Variants in ADAMTSL1 observed in about 807,000 individuals in gnomAD.
The protein encoded by ADAMTSL1 is ADAMTS like 1, also known as ADAMTS-like protein 1.
ADAMTSL1 carries 126 observed loss-of-function variants against 201.8 expected under a neutral mutation model. The ratio of observed to expected loss-of-function variants is 0.62; its 90% CI spans 0.54 to 0.72. ADAMTSL1 has a LOEUF of 0.72. Among genes scored for constraint, ADAMTSL1 ranks in the 30% least tolerant of loss-of-function variants. The pLI, the probability that ADAMTSL1 is intolerant of heterozygous loss-of-function variation, is 0.00. For missense variants in ADAMTSL1, 2,679 were observed against 2,277.8 expected, an observed-to-expected ratio of 1.18 and a Z score of -3.59; for synonymous variants, 1,121 against 903.4, an observed-to-expected ratio of 1.24 and a Z score of -4.32.
chr9:18,696,070 A>G (rs570779777), intron 13 of ADAMTSL1, among the ~76,000 whole-genome samples: 16 of 152,310 alleles, frequency 1.1e-4, no homozygotes, highest in African/African-American at 3.8e-4. Flanking sequence ...AGAGCTCACT[A>G]TCACAAGAAC....
chr9:17,952,746 C>T (rs1015012466), intron 1 of ADAMTSL1, among the ~76,000 whole-genome samples: 42 of 152,048 alleles, frequency 2.8e-4, no homozygotes, highest in African/African-American at 7.7e-4. Flanking sequence ...AGGCTGGTCT[C>T]GAACTCCTGG....
At chr9:17,960,140 C>T (rs73643110) in intron 1 of ADAMTSL1, among the ~76,000 whole-genome samples, 6,103 of 152,226 alleles carry the variant, frequency 0.04, 366 homozygotes, top group African/African-American at 0.13. Flanking sequence ...CACACGGTTC[C>T]ATGTTTGGTC....
At chr9:18,094,052 G>C (rs755386668) in intron 1 of ADAMTSL1, among the ~76,000 whole-genome samples, 12 of 152,164 alleles carry the variant, frequency 7.9e-5, no homozygotes, top group Non-Finnish European at 1.5e-4. Flanking sequence ...ACACTGATGA[G>C]AGACCAGTTT....
chr9:18,856,554 C>T (rs1050631354), intron 23 of ADAMTSL1, among the ~76,000 whole-genome samples: 2 of 148,022 alleles, frequency 1.4e-5, no homozygotes, highest in South Asian at 4.4e-4. Context: ...ACCTCCATCT[C>T]CCAGGTTCAA....
chr9:18,446,269 C>T (rs1587240127), intron 2 of ADAMTSL1, among the ~76,000 whole-genome samples: 1 of 152,126 alleles, frequency 6.6e-6, no homozygotes, highest in Non-Finnish European at 1.5e-5. Context: ...ATCTCACTCC[C>T]AAATTCTCTG....
chr9:18,824,884 G>A (rs1824443169), intron 21 of ADAMTSL1, among the ~76,000 whole-genome samples: 1 of 151,906 alleles, frequency 6.6e-6, no homozygotes, highest in African/African-American at 2.4e-5. Flanking sequence ...TTTTAGTAGA[G>A]ACAGGGTTTC....
At chr9:18,900,199 T>A (rs925646575) in intron 26 of ADAMTSL1, among the ~76,000 whole-genome samples, 1 of 152,144 alleles carries the variant, frequency 6.6e-6, no homozygotes, top group South Asian at 2.1e-4. Flanking sequence ...TCACTGATCA[T>A]TAGAGAAATG....
chr9:18,301,675 G>T (rs1401683831), intron 2 of ADAMTSL1, among the ~76,000 whole-genome samples: 1 of 152,092 alleles, frequency 6.6e-6, no homozygotes, highest in Non-Finnish European at 1.5e-5. Context: ...TAACTGAAAA[G>T]AAAAGTTAAA....
At chr9:18,453,014 G>A (rs1820470247) in intron 2 of ADAMTSL1, among the ~76,000 whole-genome samples, 1 of 152,232 alleles carries the variant, frequency 6.6e-6, no homozygotes, top group Non-Finnish European at 1.5e-5. Context: ...CTCTGCCTTT[G>A]TGACAAGTTT....
chr9:18,754,432 A>G (rs1345786094), intron 16 of ADAMTSL1, among the ~76,000 whole-genome samples: 2 of 152,206 alleles, frequency 1.3e-5, no homozygotes, highest in African/African-American at 4.8e-5. Context: ...CTTTAAAGGG[A>G]CAACAAAGGC....
intron 14 of ADAMTSL1, among the ~76,000 whole-genome samples, chr9:18,715,969 A>G (rs1361968514): frequency 2.0e-5 from 3 of 151,176 alleles, no homozygotes; most frequent in Non-Finnish European, 2.9e-5. Flanking sequence ...AAAACCTGAG[A>G]AAAACAAGCA....
At chr9:18,742,436 C>T (rs564014) in intron 15 of ADAMTSL1, among the ~76,000 whole-genome samples, 33,179 of 152,068 alleles carry the variant, frequency 0.22, 3,888 homozygotes, top group Middle Eastern at 0.32. Flanking sequence ...AACATTTAAG[C>T]AAAGAGAATT....
intron 1 of ADAMTSL1, among the ~76,000 whole-genome samples, chr9:17,928,988 T>G (rs2131312978): frequency 6.6e-6 from 1 of 152,220 alleles, no homozygotes; most frequent in Non-Finnish European, 1.5e-5. Context: ...GTAGACTTCC[T>G]GAGTGCATGT....
chr9:17,965,369 A>G (rs1817944150), intron 1 of ADAMTSL1, among the ~76,000 whole-genome samples: 1 of 152,164 alleles, frequency 6.6e-6, no homozygotes, highest in Admixed American at 6.6e-5. Context: ...CTTACATTAA[A>G]TACTGATGAA....
intron 2 of ADAMTSL1, among the ~76,000 whole-genome samples, chr9:18,164,406 G>A (rs191147658): frequency 3.3e-3 from 502 of 151,926 alleles, no homozygotes; most frequent in Middle Eastern, 6.8e-3. Context: ...TTACTTCAAA[G>A]TGCTAGTGAT....
chr9:17,915,837 T>C (rs751580965), intron 1 of ADAMTSL1, among the ~76,000 whole-genome samples: 4 of 152,210 alleles, frequency 2.6e-5, no homozygotes, highest in Non-Finnish European at 4.4e-5. Context: ...TCCACACATC[T>C]TCTTTGGTAA....
At chr9:18,571,914 C>T (rs1300705519) in intron 3 of ADAMTSL1, among the ~76,000 whole-genome samples, 1 of 152,156 alleles carries the variant, frequency 6.6e-6, no homozygotes, top group Non-Finnish European at 1.5e-5. Context: ...TGTTTGTGGC[C>T]AGTTGCGGTG....
rs115660563 is a variant in ADAMTSL1 at position 18,884,506 on chromosome 9, T to C, written c.4250-3325T>C. Among the ~76,000 whole-genome samples, 1,209 of 151,998 alleles carry C rather than the reference T, an allele frequency of 8.0e-3. 24 individuals carry two copies. Among genetic ancestry groups the C allele is most frequent in the African/African-American group, 0.028 (1,149 of 41,552 alleles). On this transcript the variant is annotated intron_variant, in intron 23 of 28. Coordinates refer to ENST00000380548, the MANE Select transcript of ADAMTSL1 (RefSeq NM_001040272.6). ...ATTGCCAAACCCAATGTCATTAAAG[T>C]TTTCCCCTGCGATTTTTTTTAAGAG...
chr9:18,726,962 C>A (rs980896760), intron 15 of ADAMTSL1, among the ~76,000 whole-genome samples: 3 of 152,114 alleles, frequency 2.0e-5, no homozygotes, highest in African/African-American at 7.2e-5. Context: ...GAGCTATAAA[C>A]GAAGCTTGAG....
Sources: gnomAD v4.1 joint callset for allele counts (sites outside exome capture counted in the v4.1 genomes callset) on GRCh38, gnomAD v4.1.1 for gene constraint, MANE v1.5 for transcripts, NCBI Gene and HGNC (gene_info 2026-07-23, HGNC 2026-07-21) for gene names.